The following RHOBTB1 variants were observed in gnomAD, a reference collection of about 807,000 sequenced individuals.
The protein encoded by RHOBTB1 is rho-related BTB domain-containing protein 1.
In RHOBTB1, 40 loss-of-function variants were observed where a neutral mutation model predicts 71.6. The observed-to-expected ratio is 0.56, with a 90% CI of 0.43 to 0.73. The LOEUF (loss-of-function observed/expected upper bound fraction) is 0.73. Ranked by LOEUF, RHOBTB1 falls within the 30% of genes least tolerant of loss-of-function variation. RHOBTB1 has a pLI of 0.00. For missense variants in RHOBTB1, 797 were observed against 894.0 expected, an observed-to-expected ratio of 0.89 and a Z score of 1.38; for synonymous variants, 319 against 334.9, an observed-to-expected ratio of 0.95 and a Z score of 0.52.
chr10:60,874,764 TCAAATGAAGC>T (rs1450942967), intron 9 of RHOBTB1, among the ~76,000 whole-genome samples, 180 bp downstream of exon 9: 1 of 152,146 alleles, frequency 6.6e-6, no homozygotes, highest in Non-Finnish European at 1.5e-5. Flanking sequence ...TTTTGTTTAT[TCAAATGAAGC>T]CCAGCAGGCT....
At chr10:60,996,883 T>C (rs1463457555) in intron 1 of RHOBTB1, among the ~76,000 whole-genome samples, 2 of 152,206 alleles carry the variant, frequency 1.3e-5, no homozygotes, top group Admixed American at 6.5e-5. Flanking sequence ...ATATTAATCT[T>C]ATCTCTCAGC....
downstream of RHOBTB1, among the ~76,000 whole-genome samples, chr10:60,868,110 T>C (rs1472986520): frequency 3.3e-5 from 5 of 152,208 alleles, no homozygotes; most frequent in Admixed American, 3.3e-4. Context: ...TTATGCTGTT[T>C]CTGGTTACAC....
chr10:60,995,323 G>A (rs1465354409), intron 1 of RHOBTB1, among the ~76,000 whole-genome samples: 2 of 152,072 alleles, frequency 1.3e-5, no homozygotes, highest in Non-Finnish European at 2.9e-5. Context: ...AAGAAACTAA[G>A]GTGTAGAGAA....
intron 2 of RHOBTB1, among the ~76,000 whole-genome samples, chr10:60,957,582 C>T (rs567150139): frequency 4.5e-4 from 68 of 152,262 alleles, no homozygotes; most frequent in African/African-American, 1.5e-3. Context: ...CTTCTCCCAT[C>T]CTCAAAACCA....
intron 1 of RHOBTB1, among the ~76,000 whole-genome samples, chr10:60,990,400 C>T (rs903645093): frequency 6.6e-6 from 1 of 152,162 alleles, no homozygotes; most frequent in Non-Finnish European, 1.5e-5. Flanking sequence ...CTTTTTGAGA[C>T]AGATGCAAGA....
intron 2 of RHOBTB1, among the ~76,000 whole-genome samples, chr10:60,925,722 G>C (rs1349747200): frequency 6.6e-6 from 1 of 152,056 alleles, no homozygotes; most frequent in Non-Finnish European, 1.5e-5. Context: ...ATATAAAAAA[G>C]AGATGTTACA....
chr10:60,994,761 T>C (rs1392725200), intron 1 of RHOBTB1, among the ~76,000 whole-genome samples: 1 of 152,062 alleles, frequency 6.6e-6, no homozygotes, highest in Non-Finnish European at 1.5e-5. Flanking sequence ...CTGTCATACA[T>C]GCAACTATGA....
At chr10:60,876,741 T>G (rs1316290035) in intron 8 of RHOBTB1, among the ~76,000 whole-genome samples, 1 of 152,212 alleles carries the variant, frequency 6.6e-6, no homozygotes, top group Non-Finnish European at 1.5e-5. Flanking sequence ...TATTGATGCC[T>G]CAACTCGCTC....
intron 1 of RHOBTB1, among the ~76,000 whole-genome samples, chr10:60,998,963 G>A (rs2087157992): frequency 6.6e-6 from 1 of 152,196 alleles, no homozygotes. Context: ...TTGAGCCTCA[G>A]TTTTCTTTTC....
intron 2 of RHOBTB1, among the ~76,000 whole-genome samples, chr10:60,979,714 C>T (rs1459519859): frequency 1.3e-5 from 2 of 152,060 alleles, no homozygotes; most frequent in African/African-American, 4.8e-5. Flanking sequence ...CATCATTTAT[C>T]AGAAGTTGGC....
intron 9 of RHOBTB1, 48 bp from the exon 10 acceptor site, chr10:60,872,338 G>A: frequency 7.3e-7 from 1 of 1,365,016 alleles, no homozygotes; most frequent in Non-Finnish European, 1.0e-6. Flanking sequence ...TCTAAAGAGG[G>A]GCTACAAAGA....
intron 7 of RHOBTB1, among the ~76,000 whole-genome samples, chr10:60,880,458 GTATCATAGGGA>G (rs1554829619): frequency 2.0e-5 from 3 of 151,972 alleles, no homozygotes; most frequent in Non-Finnish European, 4.4e-5. Flanking sequence ...ATCCCTTAAC[GTATCATAGGGA>G]AGGTTTAGAA....
intron 7 of RHOBTB1, among the ~76,000 whole-genome samples, chr10:60,884,738 G>C (rs2081487071): frequency 6.6e-6 from 1 of 152,146 alleles, no homozygotes; most frequent in Non-Finnish European, 1.5e-5. Flanking sequence ...CAGGTACAGA[G>C]AGACAAATAT....
the RHOBTB1 span, among the ~76,000 whole-genome samples, chr10:60,862,254 G>A: frequency 1.3e-5 from 2 of 150,912 alleles, no homozygotes; most frequent in African/African-American, 4.9e-5. Context: ...CTGGACTGCA[G>A]TGGCGTGATC....
intron 2 of RHOBTB1, among the ~76,000 whole-genome samples, chr10:60,921,580 A>G (rs2083565132): frequency 6.6e-6 from 1 of 152,224 alleles, no homozygotes; most frequent in Non-Finnish European, 1.5e-5. Flanking sequence ...GGCAACAGAA[A>G]TTGTTATTCA....
intron 1 of RHOBTB1, among the ~76,000 whole-genome samples, chr10:60,996,582 A>T (rs2087059292): frequency 1.3e-5 from 2 of 151,896 alleles, no homozygotes; most frequent in African/African-American, 2.4e-5. Context: ...AACCCAAGGG[A>T]TGGTTATGCG....
chr10:60,873,354 G>T (rs575088128), intron 9 of RHOBTB1, among the ~76,000 whole-genome samples: 1 of 152,136 alleles, frequency 6.6e-6, no homozygotes, highest in Non-Finnish European at 1.5e-5. Context: ...ATTGGCAAAC[G>T]CAACAGATTG....
At chr10:60,891,086 A>C (rs930017821) in intron 5 of RHOBTB1, among the ~76,000 whole-genome samples, 1 of 152,180 alleles carries the variant, frequency 6.6e-6, no homozygotes, top group African/African-American at 2.4e-5. Flanking sequence ...TGGACTTCTT[A>C]ACCTCTACAT....
chr10:60,875,191 T>C, intron 8 of RHOBTB1, 149 bp from the exon 9 acceptor site: 1 of 631,150 alleles, frequency 1.6e-6, no homozygotes, highest in Non-Finnish European at 2.8e-6. Context: ...CAGAAGCTGC[T>C]CTGATGTGTG....
Sources: allele counts gnomAD v4.1 joint callset (sites outside exome capture counted in the v4.1 genomes callset), GRCh38; gene constraint gnomAD v4.1.1; transcripts MANE v1.5; gene names NCBI Gene and HGNC (gene_info 2026-07-23, HGNC 2026-07-21).